The following RNF17 variants were observed in gnomAD, a reference collection of about 807,000 sequenced individuals.
RNF17 encodes the protein spermatogenesis associated 23.
RNF17 carries 31 observed loss-of-function variants against 200.5 expected under a neutral mutation model. The ratio of observed to expected loss-of-function variants is 0.15; its 90% CI spans 0.12 to 0.21. The LOEUF (loss-of-function observed/expected upper bound fraction) is 0.21. RNF17 is among the 10% of genes least tolerant of loss of function. RNF17 has a pLI of 1.00. For missense variants in RNF17, 1,628 were observed against 1,905.1 expected (o/e 0.85, Z 2.71); for synonymous variants, 606 against 637.8 (o/e 0.95, Z 0.75).
At chr13:24,853,786 T>C in intron 24 of RNF17, 69 bp from the exon 25 acceptor site, 1 of 1,181,722 alleles carries the variant, frequency 8.5e-7, no homozygotes, top group East Asian at 2.4e-5. Context: ...GAATGATTCT[T>C]TTTATGTTGT....
chr13:24,783,354 A>T (rs1276713103), intron 6 of RNF17, among the ~76,000 whole-genome samples: 1 of 152,168 alleles, frequency 6.6e-6, no homozygotes, highest in Non-Finnish European at 1.5e-5. Context: ...TTCCTTTTCA[A>T]GATTGTTTCT....
chr13:24,820,145 A>T (rs1197822355), intron 15 of RNF17, among the ~76,000 whole-genome samples: 4 of 134,998 alleles, frequency 3.0e-5, no homozygotes, highest in Non-Finnish European at 4.6e-5. Context: ...TTTTTGAGAC[A>T]AGAGTCTTGC....
At chr13:24,789,899 A>C in intron 9 of RNF17, 127 bp downstream of exon 9, 1 of 640,078 alleles carries the variant, frequency 1.6e-6, no homozygotes, top group Non-Finnish European at 2.8e-6. Flanking sequence ...TAGTTTCTAT[A>C]GTTAAATTCT....
the RNF17 span, among the ~76,000 whole-genome samples, chr13:24,749,307 C>CTTTTTTTTTTT: frequency 7.9e-3 from 855 of 107,910 alleles, 22 homozygotes; most frequent in East Asian, 0.014. Flanking sequence ...TTCTTTCTTT[C>CTTTTTTTTTTT]TTTTTTTTTT....
chr13:24,878,656 C>G (rs965343397), intron 34 of RNF17, among the ~76,000 whole-genome samples: 1 of 152,134 alleles, frequency 6.6e-6, no homozygotes, highest in Non-Finnish European at 1.5e-5. Context: ...AAAAGGTGTC[C>G]CCCACTTAGG....
rs939314702 is a variant in RNF17, at chr13:24,870,970, C to T, written c.4447+231C>T. 2.6e-5 allele frequency among the ~76,000 whole-genome samples: 4 copies of T among 152,218 alleles called. No homozygotes were observed. In the South Asian group the frequency reaches 6.2e-4, roughly 24 times the overall value. On this transcript the variant is annotated intron_variant, in intron 32 of 35. Coordinates refer to ENST00000255324, the MANE Select transcript of RNF17 (RefSeq NM_031277.3). ...TAAACTCCCTTGGAGAACACTTTCA[C>T]GTTCCACAAATAAGACAGCGTTGGA...
At chr13:24,828,381 T>C (rs958186017) in intron 16 of RNF17, among the ~76,000 whole-genome samples, 1 of 152,174 alleles carries the variant, frequency 6.6e-6, no homozygotes, top group African/African-American at 2.4e-5. Flanking sequence ...GAATAGTAGC[T>C]CTTTTGTTTT....
chr13:24,835,575 A>G (rs1367518064), intron 18 of RNF17, among the ~76,000 whole-genome samples: 2 of 152,212 alleles, frequency 1.3e-5, no homozygotes, highest in East Asian at 1.9e-4. Flanking sequence ...AGAGACAACA[A>G]TCACTGTAGT....
At chr13:24,851,604 T>A in intron 24 of RNF17, 33 bp downstream of exon 24, 3 of 1,300,840 alleles carry the variant, frequency 2.3e-6, no homozygotes, top group Non-Finnish European at 2.2e-6. Flanking sequence ...TTGACATCAG[T>A]TTGTGATGGA....
At chr13:24,764,150 G>A (rs1370020039), upstream of RNF17, 29 of 1,522,422 alleles carry the variant, frequency 1.9e-5, no homozygotes, top group Non-Finnish European at 2.3e-5. Context: ...GGTCGCTGCC[G>A]CGAGGGCCGC....
chr13:24,883,105 G>C (rs1953908210), downstream of RNF17: 1 of 1,313,420 alleles, frequency 7.6e-7, no homozygotes, highest in South Asian at 1.2e-5. Context: ...AAATTAAACA[G>C]AATCCACAGT....
chr13:24,884,020 A>G, downstream of RNF17: 7 of 1,614,108 alleles, frequency 4.3e-6, no homozygotes, highest in Non-Finnish European at 5.9e-6. Flanking sequence ...TCCATCAGGA[A>G]ATAAGTTTTT....
intron 11 of RNF17, among the ~76,000 whole-genome samples, chr13:24,798,166 G>C (rs1338050649): frequency 6.6e-6 from 1 of 152,152 alleles, no homozygotes; most frequent in Non-Finnish European, 1.5e-5. Context: ...TATTAGAAGT[G>C]TTTGGGGTCT....
downstream of RNF17, among the ~76,000 whole-genome samples, chr13:24,881,936 A>T (rs867153761): frequency 2.9e-5 from 2 of 68,230 alleles, 1 homozygote; most frequent in African/African-American, 9.0e-5. Flanking sequence ...ATATATAGAT[A>T]CATCTATATA....
chr13:24,782,360 G>A (rs1031719363), intron 6 of RNF17, among the ~76,000 whole-genome samples: 3 of 149,614 alleles, frequency 2.0e-5, no homozygotes, highest in African/African-American at 7.4e-5. Flanking sequence ...TTTTTTTTTT[G>A]TTGTTGTTGT....
chr13:24,848,863 A>G (rs1891540838), intron 22 of RNF17, among the ~76,000 whole-genome samples: 1 of 152,188 alleles, frequency 6.6e-6, no homozygotes, highest in Non-Finnish European at 1.5e-5. Context: ...TAAATAAACC[A>G]TAACTGGTTC....
chr13:24,762,848 A>G (rs1056238647), upstream of RNF17, among the ~76,000 whole-genome samples: 2 of 152,198 alleles, frequency 1.3e-5, no homozygotes, highest in African/African-American at 4.8e-5. Context: ...CTGCTTAAAG[A>G]GTAAAGTCCA....
At chr13:24,842,935 T>C (rs970415388) in intron 19 of RNF17, among the ~76,000 whole-genome samples, 9 of 150,956 alleles carry the variant, frequency 6.0e-5, no homozygotes, top group African/African-American at 1.7e-4. Flanking sequence ...TGCAGTGAGC[T>C]GAGATTGTGT....
chr13:24,804,534 A>C (rs1885621037), intron 15 of RNF17, 105 bp downstream of exon 15: 1 of 739,812 alleles, frequency 1.4e-6, no homozygotes, highest in Non-Finnish European at 2.1e-6. Flanking sequence ...GAGCAAACGT[A>C]CCACTGTTAA....
Sources: gnomAD v4.1 joint callset for allele counts (sites outside exome capture counted in the v4.1 genomes callset) on GRCh38, gnomAD v4.1.1 for gene constraint, MANE v1.5 for transcripts, NCBI Gene and HGNC (gene_info 2026-07-23, HGNC 2026-07-21) for gene names.